The following NOS1 variants were observed in gnomAD, a reference collection of about 807,000 sequenced individuals.
NOS1 encodes the protein NOS type I.
A neutral mutation model predicts 164.5 loss-of-function variants in NOS1; 51 were observed. That is an observed-to-expected ratio of 0.31 (90% CI 0.25 to 0.39). The LOEUF is 0.39. Among genes scored for constraint, NOS1 ranks in the 10% least tolerant of loss-of-function variants. The pLI is 1.00. For missense variants in NOS1, 1,362 were observed against 1,885.6 expected (o/e 0.72, Z 5.14); for synonymous variants, 719 against 745.8 (o/e 0.96, Z 0.59).
chr12:117,351,566 T>C (rs796632655), intron 1 of NOS1, among the ~76,000 whole-genome samples: 5 of 152,244 alleles, frequency 3.3e-5, no homozygotes, highest in African/African-American at 1.2e-4. Flanking sequence ...CCATTGCCCC[T>C]TGGGAGGAGG....
chr12:117,212,856 C>G lies in NOS1; in HGVS notation c.*2453G>C, dbSNP rs1397313241. Reference sequence around the variant, plus strand: ...AGAGGTTACTCAACAGAGAGAGAGGCTTTTGGTATCAGGAATTCTGGCAAA... The same window carrying G: ...AGAGGTTACTCAACAGAGAGAGAGGGTTTTGGTATCAGGAATTCTGGCAAA... On this transcript the variant is annotated 3_prime_UTR_variant, in exon 29 of 29. Coordinates refer to ENST00000317775, the MANE Select transcript of NOS1 (RefSeq NM_000620.5). The G allele has an allele frequency of 4.1e-6, 4 of 985,268 alleles. No homozygotes were observed. Among genetic ancestry groups the G allele is most frequent in the Non-Finnish European group, 4.8e-6 (4 of 829,952 alleles). The allele number at this position is 985,268 out of a possible 1,614,324, so 61.0% of individuals were successfully genotyped here.
chr12:117,219,883 C>A (rs962608915), intron 27 of NOS1, among the ~76,000 whole-genome samples, 192 bp downstream of exon 27: 5 of 152,214 alleles, frequency 3.3e-5, no homozygotes, highest in South Asian at 2.1e-4. Context: ...TGCCTGCATG[C>A]CCAGCCATCC....
intron 16 of NOS1, among the ~76,000 whole-genome samples, chr12:117,257,302 T>G (rs893302561): frequency 6.6e-6 from 1 of 151,682 alleles, no homozygotes; most frequent in Non-Finnish European, 1.5e-5. Context: ...CAGGCTGGTT[T>G]GAACTCCTGG....
rs1956529523 is a variant in NOS1, at chr12:117,211,580, CT to C, written c.*3728del. 3.0e-6 allele frequency: 3 copies of C among 985,484 alleles called. No homozygotes were observed. The highest frequency in any genetic ancestry group is 3.6e-6 in the Non-Finnish European group (3 of 830,050). 61.0% of individuals were successfully genotyped at this position (985,484 alleles called of 1,614,324 possible). ...TCCCCACGGTCTGGTCCCAGCCCAC[CT>C]TTTCTCACCCTCCTCAGCCTTCCAA... is the stretch of plus-strand genomic sequence containing the variant. On this transcript the variant is annotated 3_prime_UTR_variant, in exon 29 of 29. Transcript: ENST00000317775.
chr12:117,320,710 T>C (rs1874874388), intron 2 of NOS1, among the ~76,000 whole-genome samples: 4 of 152,204 alleles, frequency 2.6e-5, no homozygotes. Flanking sequence ...CCAGCCTCAC[T>C]GCCCACCACT....
intron 1 of NOS1, among the ~76,000 whole-genome samples, chr12:117,357,441 A>G (rs61938735): frequency 2.8e-4 from 42 of 152,364 alleles, no homozygotes; most frequent in South Asian, 8.3e-4. Context: ...AAAGTCCGGC[A>G]TTTACGGGGC....
chr12:117,256,282 C>CTTTTTTTTTTT (rs1566042530), intron 16 of NOS1, among the ~76,000 whole-genome samples: 3 of 76,806 alleles, frequency 3.9e-5, no homozygotes, highest in Admixed American at 1.6e-4. Context: ...AAGGGATTTT[C>CTTTTTTTTTTT]TGTTTTTTTT....
At position 117,306,495 on chromosome 12, in the gene NOS1, G is replaced by A. The variant is rs148162278; in HGVS notation, c.852+4971C>T. ...GCTTTTCACTTAAGATGATGATTAC[G>A]ATAACAGCCTTTGATGATGTCAAAA... On this transcript the variant is annotated intron_variant, in intron 3 of 28. Coordinates refer to ENST00000317775, the MANE Select transcript of NOS1 (RefSeq NM_000620.5). Among the ~76,000 whole-genome samples the A allele has an allele frequency of 9.9e-5, 15 of 152,134 alleles. No individual in the cohort carries two copies. The East Asian group carries it at 1.9e-3, about 20-fold the overall frequency.
chr12:117,285,289 T>G lies in NOS1; in HGVS notation c.1334A>C (p.Asn445Thr). The G allele has an allele frequency of 6.2e-7, 1 of 1,611,372 alleles. No homozygotes were observed. Among genetic ancestry groups the G allele is most frequent in the Non-Finnish European group, 8.5e-7 (1 of 1,178,374 alleles). The change falls in exon 7 of 29, where the codon AAC becomes ACC. Residue 445 changes from asparagine to threonine, a missense_variant. This residue lies in a region of NOS1 where 129 missense variants were observed against 186.0 expected (regional missense o/e 0.69). Transcript: ENST00000317775. Reference protein sequence around the residue: ...RDCTTAHGMFNYICNHVKYAT... With the variant: ...RDCTTAHGMFTYICNHVKYAT... ...ATACTTGACATGGTTACAGATGTAG[T>G]TGAACATCCCGTGGGCCGTGGTGCA...
intron 2 of NOS1, among the ~76,000 whole-genome samples, chr12:117,313,331 G>C (rs190813812): frequency 2.0e-5 from 3 of 152,118 alleles, no homozygotes; most frequent in African/African-American, 7.2e-5. Context: ...GTCTCGCCCT[G>C]TTACCCAGGC....
Position 117,208,380 on chromosome 12 carries a change from G to A in NOS1, c.*6929C>T, listed in dbSNP as rs1406910747. ...GCTCAGAGGTAGGGGGGACGGCCGA[G>A]TTTCTGACAGCGTGTGTGTGTGTGT... On this transcript the variant is annotated 3_prime_UTR_variant, in exon 29 of 29. Transcript: ENST00000317775. 3 of 1,288,048 alleles carry A rather than the reference G, an allele frequency of 2.3e-6. No homozygotes were observed. The highest frequency in any genetic ancestry group is 3.0e-6 in the Non-Finnish European group (3 of 988,638). 79.8% of individuals were successfully genotyped at this position (1,288,048 alleles called of 1,614,324 possible). A position where few individuals can be genotyped will look rare whatever the true frequency, so the allele number is the denominator to read the frequency against.
chr12:117,226,003 C>T (rs773535055), intron 24 of NOS1, among the ~76,000 whole-genome samples: 20 of 152,138 alleles, frequency 1.3e-4, no homozygotes, highest in Non-Finnish European at 2.6e-4. Flanking sequence ...AAAGAATCAC[C>T]TGGGGATGTT....
At chr12:117,345,964 T>C (rs1048160083) in intron 1 of NOS1, among the ~76,000 whole-genome samples, 12 of 152,232 alleles carry the variant, frequency 7.9e-5, no homozygotes, top group South Asian at 2.1e-4. Flanking sequence ...AGCTATTGAA[T>C]GAAGCAGCCC....
At position 117,272,611 on chromosome 12, in the gene NOS1, G is replaced by T. The variant is rs751183074; in HGVS notation, c.1665-52C>A. The stretch of plus-strand genomic sequence containing the variant: ...ACCCGGAGCAGGTGTCTCATGGGCG[G>T]GACAGCTTGAATCTAGAGATGCTGA... On this transcript the variant is annotated intron_variant, in intron 9 of 28. Coordinates refer to ENST00000317775, the MANE Select transcript of NOS1 (RefSeq NM_000620.5). The surrounding 1 kb of genome is among the most constrained non-coding windows in gnomAD (Gnocchi z 4.3). The T allele has an allele frequency of 1.3e-6, 2 of 1,549,640 alleles. No individual in the cohort carries two copies. The highest frequency in any genetic ancestry group is 8.8e-7 in the Non-Finnish European group (1 of 1,135,958).
chr12:117,213,890 T>C lies in NOS1; in HGVS notation c.*1419A>G. 1.0e-6 allele frequency: 1 copy of C among 985,420 alleles called. No individual in the cohort carries two copies. The highest frequency in any genetic ancestry group is 1.7e-5 in the African/African-American group (1 of 57,360). 61.0% of individuals were successfully genotyped at this position (985,420 alleles called of 1,614,324 possible). Reference sequence around the variant, plus strand: ...CACCATTTACTCTGAGAGAGTAAATTCAACAGGTTGCCTCTTAGGGAGGAA... The same window carrying C: ...CACCATTTACTCTGAGAGAGTAAATCCAACAGGTTGCCTCTTAGGGAGGAA... On this transcript the variant is annotated 3_prime_UTR_variant, in exon 29 of 29. Coordinates refer to ENST00000317775, the MANE Select transcript of NOS1 (RefSeq NM_000620.5).
chr12:117,284,843 A>T (rs1048195711), intron 7 of NOS1, among the ~76,000 whole-genome samples: 1 of 151,968 alleles, frequency 6.6e-6, no homozygotes, highest in Admixed American at 6.6e-5. Context: ...TGAGGTCAGG[A>T]GTTTGAGACC....
chr12:117,331,280 T>G lies in NOS1; in HGVS notation c.-211A>C, dbSNP rs41502449. ...CCCGTCGGTGGCATGATTTCCTGCA[T>G]CCGCCTCTCTCCTTATTCTCTAAGG... is the stretch of plus-strand genomic sequence containing the variant. On this transcript the variant is annotated 5_prime_UTR_variant, in exon 2 of 29. The change abolishes an upstream ATG in the 5' untranslated region. Transcript: ENST00000317775. 1.5e-4 allele frequency: 89 copies of G among 581,744 alleles called. No individual in the cohort carries two copies. In the African/African-American group the frequency reaches 1.5e-3, roughly 10 times the overall value. 36.0% of individuals were successfully genotyped at this position (581,744 alleles called of 1,614,324 possible).
At chr12:117,298,745 C>G (rs547378795) in intron 3 of NOS1, among the ~76,000 whole-genome samples, 1 of 152,234 alleles carries the variant, frequency 6.6e-6, no homozygotes, top group South Asian at 2.1e-4. Flanking sequence ...GCTTCTCCCT[C>G]CCAGCCCTCG....
Position 117,247,471 on chromosome 12 carries a change from GA to G in NOS1, c.2699del (p.Phe900SerfsTer18). ...GSRAYPHFCA[F>X]GHAVDTLLEE... ...CCAGGAGGGTGTCCACAGCGTGTCC[GA>G]AGGCGCAAAAGTGAGGGTATGCTCG... On this transcript the variant is annotated frameshift_variant, in exon 18 of 29. Coordinates refer to ENST00000317775, the MANE Select transcript of NOS1 (RefSeq NM_000620.5). LOFTEE classifies it high-confidence loss of function. 6.2e-7 allele frequency: 1 copy of G among 1,612,810 alleles called. No homozygotes were observed. Among genetic ancestry groups the G allele is most frequent in the Non-Finnish European group, 8.5e-7 (1 of 1,179,622 alleles).
Sources: allele counts gnomAD v4.1 joint callset (sites outside exome capture counted in the v4.1 genomes callset), GRCh38; gene constraint gnomAD v4.1.1; regional missense constraint gnomAD v4.1.1; non-coding constraint Gnocchi (gnomAD v3.1); transcripts MANE v1.5; gene names NCBI Gene and HGNC (gene_info 2026-07-23, HGNC 2026-07-21).